Variants in IQGAP2 observed in about 807,000 individuals in gnomAD.
IQGAP2 encodes IQ motif containing GTPase activating protein 2.
In IQGAP2, 173 loss-of-function variants were observed where a neutral mutation model predicts 201.3. That is an observed-to-expected ratio of 0.86 (90% CI 0.76 to 0.98). The LOEUF is 0.98. IQGAP2 is among the 50% of genes least tolerant of loss of function. The pLI, the probability that IQGAP2 is intolerant of heterozygous loss-of-function variation, is 0.00. For synonymous variants in IQGAP2, 675 were observed against 673.9 expected (o/e 1.00, Z -0.03); for missense variants, 1,687 against 1,864.8 (o/e 0.90, Z 1.76).
intron 9 of IQGAP2, among the ~76,000 whole-genome samples, chr5:76,595,243 C>CTTTTTT (rs1180358517): frequency 1.4e-4 from 5 of 35,302 alleles, no homozygotes; most frequent in African/African-American, 2.4e-4. Flanking sequence ...CATTTCTTTG[C>CTTTTTT]TTTTTTTTTT....
At chr5:76,541,105 G>A (rs1174175395) in intron 2 of IQGAP2, among the ~76,000 whole-genome samples, 1 of 151,902 alleles carries the variant, frequency 6.6e-6, no homozygotes, top group Non-Finnish European at 1.5e-5. Flanking sequence ...TTACAACATT[G>A]TGCAACATCA....
chr5:76,562,372 A>AT, intron 2 of IQGAP2, 24 bp from the exon 3 acceptor site: 2 of 1,566,144 alleles, frequency 1.3e-6, no homozygotes, highest in Admixed American at 1.8e-5. Flanking sequence ...AATCACTTTA[A>AT]TATTTTTTTT....
intron 5 of IQGAP2, among the ~76,000 whole-genome samples, chr5:76,587,030 A>G (rs975347454): frequency 2.8e-4 from 42 of 152,322 alleles, no homozygotes; most frequent in African/African-American, 8.7e-4. Context: ...GCCCAAAGAT[A>G]TGGTACCTAT....
chr5:76,622,115 C>T (rs1749747939), intron 13 of IQGAP2, among the ~76,000 whole-genome samples: 1 of 152,194 alleles, frequency 6.6e-6, no homozygotes, highest in Admixed American at 6.5e-5. Flanking sequence ...CTTCACATTT[C>T]TCCCCCACCC....
At position 76,611,004 on chromosome 5, in the gene IQGAP2, C is replaced by T. The variant is rs771503860; in HGVS notation, c.1358-16C>T. 2 of 1,596,706 alleles carry T rather than the reference C, an allele frequency of 1.3e-6. No homozygotes were observed. The highest frequency in any genetic ancestry group is 3.6e-5 in the Admixed American group (2 of 55,852). On this transcript the variant is annotated splice_polypyrimidine_tract_variant and intron_variant, in intron 12 of 35. Coordinates refer to ENST00000274364, the MANE Select transcript of IQGAP2 (RefSeq NM_006633.5). ...GTACTGTGACTTAAAAGGAAAACTA[C>T]TTCTTCATTTTCTAGGAGTTGTAGC...
intron 21 of IQGAP2, among the ~76,000 whole-genome samples, chr5:76,664,688 A>T (rs113902343): frequency 6.6e-6 from 1 of 151,810 alleles, no homozygotes. Flanking sequence ...ATTTCAAAAA[A>T]AAAAAAAGAT....
intron 2 of IQGAP2, among the ~76,000 whole-genome samples, chr5:76,529,783 A>G (rs2150205523): frequency 6.6e-6 from 1 of 152,158 alleles, no homozygotes. Flanking sequence ...TTTAACACAG[A>G]TTAGTATTTT....
intron 2 of IQGAP2, among the ~76,000 whole-genome samples, chr5:76,550,627 C>A (rs1743393364): frequency 6.6e-6 from 1 of 152,168 alleles, no homozygotes; most frequent in African/African-American, 2.4e-5. Flanking sequence ...CCGTTTAACT[C>A]TGAGTGGACA....
chr5:76,494,886 A>C (rs1417427086), intron 2 of IQGAP2, among the ~76,000 whole-genome samples: 1 of 152,208 alleles, frequency 6.6e-6, no homozygotes, highest in African/African-American at 2.4e-5. Flanking sequence ...CTAGCCTGCC[A>C]TCTTATAAGT....
At chr5:76,610,116 T>A (rs10073726) in intron 12 of IQGAP2, among the ~76,000 whole-genome samples, 62 of 19,102 alleles carry the variant, frequency 3.2e-3, no homozygotes, top group South Asian at 0.012. Flanking sequence ...ATATATATAT[T>A]TTTTTTTTTT....
At chr5:76,682,996 T>C in intron 28 of IQGAP2, 119 bp from the exon 29 acceptor site, 1 of 554,172 alleles carries the variant, frequency 1.8e-6, no homozygotes, top group Non-Finnish European at 3.2e-6. Context: ...TTTATAAATG[T>C]CATACTCATA....
intron 30 of IQGAP2, among the ~76,000 whole-genome samples, chr5:76,686,666 T>A (rs1361627584): frequency 6.6e-6 from 1 of 152,074 alleles, no homozygotes. Flanking sequence ...TCTGCCACCA[T>A]GCCCAGCTAA....
chr5:76,462,336 C>G (rs1485416894), intron 2 of IQGAP2, among the ~76,000 whole-genome samples: 1 of 152,174 alleles, frequency 6.6e-6, no homozygotes, highest in African/African-American at 2.4e-5. Flanking sequence ...ACAGCAATCT[C>G]CTCTTTAAAC....
Position 76,702,610 on chromosome 5 carries a change from G to C in IQGAP2, c.4614+20G>C. 1 of 1,101,044 alleles carries C rather than the reference G, an allele frequency of 9.1e-7. No individual in the cohort carries two copies. The highest frequency in any genetic ancestry group is 1.4e-6 in the Non-Finnish European group (1 of 712,204). 68.2% of individuals were successfully genotyped at this position (1,101,044 alleles called of 1,614,324 possible). The stretch of plus-strand genomic sequence containing the variant: ...ATTCAGGTAAGCTGCTGGAATTTCT[G>C]CACATTGATGATAAATTTTATATGT... On this transcript the variant is annotated intron_variant, in intron 35 of 35. Coordinates refer to ENST00000274364, the MANE Select transcript of IQGAP2 (RefSeq NM_006633.5).
intron 33 of IQGAP2, 61 bp from the exon 34 acceptor site, chr5:76,701,015 A>G (rs1234159487): frequency 2.6e-6 from 4 of 1,568,460 alleles, no homozygotes; most frequent in Non-Finnish European, 3.5e-6. Flanking sequence ...TGGTAATCGC[A>G]CTACCAGAAG....
chr5:76,570,715 T>C, intron 4 of IQGAP2, 58 bp downstream of exon 4: 1 of 1,111,984 alleles, frequency 9.0e-7, no homozygotes, highest in Non-Finnish European at 1.4e-6. Flanking sequence ...TACACAAACA[T>C]CTCTTTATGA....
chr5:76,628,332 G>T (rs768642886), intron 14 of IQGAP2, among the ~76,000 whole-genome samples: 13 of 152,186 alleles, frequency 8.5e-5, no homozygotes, highest in Non-Finnish European at 1.6e-4. Context: ...GTCAGGTGAT[G>T]AATAGAATAT....
At chr5:76,469,197 G>A (rs763805209) in intron 2 of IQGAP2, among the ~76,000 whole-genome samples, 33 of 152,068 alleles carry the variant, frequency 2.2e-4, no homozygotes, top group Non-Finnish European at 4.7e-4. Flanking sequence ...TTATGAAGCT[G>A]GGAATTCCAG....
intron 35 of IQGAP2, among the ~76,000 whole-genome samples, chr5:76,703,598 A>T (rs1386408201): frequency 2.0e-5 from 3 of 151,268 alleles, no homozygotes; most frequent in African/African-American, 7.3e-5. Flanking sequence ...TTATCATAAG[A>T]GCCACATTTA....
Sources: allele counts gnomAD v4.1 joint callset (sites outside exome capture counted in the v4.1 genomes callset), GRCh38; gene constraint gnomAD v4.1.1; transcripts MANE v1.5; gene names NCBI Gene and HGNC (gene_info 2026-07-23, HGNC 2026-07-21).